Variants in ADGRB3 observed in about 807,000 individuals in gnomAD.
ADGRB3 encodes brain-specific angiogenesis inhibitor 3.
In ADGRB3, 37 loss-of-function variants were observed where a neutral mutation model predicts 193.4. The ratio of observed to expected loss-of-function variants is 0.19; its 90% CI spans 0.15 to 0.25. The LOEUF (loss-of-function observed/expected upper bound fraction) is 0.25. Ranked by LOEUF, ADGRB3 falls within the 10% of genes least tolerant of loss-of-function variation. ADGRB3 has a pLI of 1.00. For synonymous variants in ADGRB3, 690 were observed against 644.2 expected (o/e 1.07, Z -1.08); for missense variants, 1,637 against 1,852.9 (o/e 0.88, Z 2.14).
At chr6:68,851,482 C>A (rs528816157) in intron 3 of ADGRB3, among the ~76,000 whole-genome samples, 43 of 151,908 alleles carry the variant, frequency 2.8e-4, no homozygotes, top group Middle Eastern at 6.8e-3. Context: ...TATACATTAT[C>A]AAATGATTAT....
At chr6:69,180,688 C>T (rs1775557348) in intron 17 of ADGRB3, among the ~76,000 whole-genome samples, 1 of 152,212 alleles carries the variant, frequency 6.6e-6, no homozygotes, top group Admixed American at 6.5e-5. Context: ...GTTGTAGCAG[C>T]TCTCCTTCTG....
chr6:68,639,555 A>G (rs1489198629), intron 3 of ADGRB3, 123 bp downstream of exon 3: 1 of 1,296,298 alleles, frequency 7.7e-7, no homozygotes, highest in Non-Finnish European at 1.0e-6. Flanking sequence ...GATTCATTTG[A>G]TTTGTGCTAT....
intron 3 of ADGRB3, among the ~76,000 whole-genome samples, chr6:68,881,957 G>C (rs537847833): frequency 1.3e-5 from 2 of 152,232 alleles, no homozygotes; most frequent in East Asian, 3.9e-4. Flanking sequence ...ACACAGGTCT[G>C]TGACTATAAT....
intron 17 of ADGRB3, among the ~76,000 whole-genome samples, chr6:69,145,357 A>G (rs1586043): frequency 0.64 from 97,245 of 152,080 alleles, 32,316 homozygotes; most frequent in East Asian, 0.95. Flanking sequence ...CAGCTTCCAC[A>G]GCTGGCACTG....
chr6:69,331,576 T>G, intron 23 of ADGRB3: 1 of 985,398 alleles, frequency 1.0e-6, no homozygotes, highest in Non-Finnish European at 1.2e-6. Context: ...GAGCAGAAAC[T>G]GTCTATAATT....
chr6:68,699,891 C>T (rs868025322), intron 3 of ADGRB3, among the ~76,000 whole-genome samples: 1 of 152,164 alleles, frequency 6.6e-6, no homozygotes, highest in East Asian at 1.9e-4. Context: ...AAAGGGCAGT[C>T]GTCCACACTG....
chr6:69,385,262 G>A (rs893690673), intron 31 of ADGRB3, among the ~76,000 whole-genome samples: 5 of 151,326 alleles, frequency 3.3e-5, no homozygotes, highest in East Asian at 1.9e-4. Context: ...TTTTTGCTTC[G>A]TACCTAAATA....
intron 3 of ADGRB3, among the ~76,000 whole-genome samples, chr6:68,762,564 G>GATTATTTATTCA (rs1482036552): frequency 0.015 from 2,301 of 151,844 alleles, 27 homozygotes; most frequent in Non-Finnish European, 0.024. Context: ...GAATAAATAG[G>GATTATTTATTCA]ACTAGTAAAT....
chr6:69,010,971 C>G (rs1769916619), intron 11 of ADGRB3, among the ~76,000 whole-genome samples: 1 of 151,936 alleles, frequency 6.6e-6, no homozygotes, highest in African/African-American at 2.4e-5. Flanking sequence ...ACAGAAGCAG[C>G]TTCATACTTT....
chr6:69,328,885 G>C (rs1454103871), intron 22 of ADGRB3, among the ~76,000 whole-genome samples: 1 of 151,928 alleles, frequency 6.6e-6, no homozygotes, highest in Non-Finnish European at 1.5e-5. Flanking sequence ...TCTATTTTTG[G>C]AAAGTCACTG....
At chr6:68,762,824 C>A (rs1766437187) in intron 3 of ADGRB3, among the ~76,000 whole-genome samples, 1 of 151,960 alleles carries the variant, frequency 6.6e-6, no homozygotes, top group Admixed American at 6.6e-5. Flanking sequence ...CTCAAAAAAC[C>A]TGCTAAGTGA....
intron 30 of ADGRB3, among the ~76,000 whole-genome samples, chr6:69,375,093 A>G (rs1188716486): frequency 3.3e-5 from 5 of 152,116 alleles, no homozygotes; most frequent in African/African-American, 1.2e-4. Context: ...GGAAGAAGAG[A>G]CTAAAGTGAG....
intron 3 of ADGRB3, among the ~76,000 whole-genome samples, chr6:68,817,857 C>G (rs1767666967): frequency 6.6e-6 from 1 of 152,000 alleles, no homozygotes; most frequent in East Asian, 1.9e-4. Flanking sequence ...TCTCTTTTCA[C>G]CATTTTTCTT....
At chr6:68,643,482 C>T (rs1191466542) in intron 3 of ADGRB3, among the ~76,000 whole-genome samples, 2 of 119,340 alleles carry the variant, frequency 1.7e-5, no homozygotes, top group Non-Finnish European at 3.2e-5. Flanking sequence ...GCCAGGATGC[C>T]ATACTCTATC....
chr6:68,782,464 T>A (rs1766874702), intron 3 of ADGRB3, among the ~76,000 whole-genome samples: 1 of 152,108 alleles, frequency 6.6e-6, no homozygotes, highest in African/African-American at 2.4e-5. Context: ...GCTGCATGAT[T>A]TATAATCCTT....
intron 17 of ADGRB3, among the ~76,000 whole-genome samples, chr6:69,215,843 C>T (rs1765763050): frequency 6.6e-6 from 1 of 152,164 alleles, no homozygotes. Flanking sequence ...TTGTCTTCCA[C>T]ACAGTGAAAT....
chr6:69,123,566 T>G (rs1773775835), intron 17 of ADGRB3, among the ~76,000 whole-genome samples: 1 of 152,128 alleles, frequency 6.6e-6, no homozygotes, highest in Non-Finnish European at 1.5e-5. Flanking sequence ...ATCTGCCATA[T>G]AATAAATGCT....
chr6:69,172,674 AGAAAT>A (rs1775311162), intron 17 of ADGRB3, among the ~76,000 whole-genome samples: 1 of 106,858 alleles, frequency 9.4e-6, no homozygotes, highest in Non-Finnish European at 2.1e-5. Flanking sequence ...AAAAAAAAAG[AGAAAT>A]AAAGAAAAAG....
chr6:69,002,627 G>T (rs1769614461), intron 11 of ADGRB3, among the ~76,000 whole-genome samples: 1 of 152,108 alleles, frequency 6.6e-6, no homozygotes, highest in African/African-American at 2.4e-5. Context: ...TTGGAGTATG[G>T]TTTCTCCATT....
Sources: gnomAD v4.1 joint callset for allele counts (sites outside exome capture counted in the v4.1 genomes callset) on GRCh38, gnomAD v4.1.1 for gene constraint, MANE v1.5 for transcripts, NCBI Gene and HGNC (gene_info 2026-07-23, HGNC 2026-07-21) for gene names.